Variants in SEC22C observed in about 807,000 individuals in gnomAD.
SEC22C encodes SEC22 homolog C, vesicle trafficking protein, also known as vesicle-trafficking protein SEC22c.
In SEC22C, 29 loss-of-function variants were observed where a neutral mutation model predicts 34.7. The observed-to-expected ratio is 0.84, with a 90% confidence interval of 0.62 to 1.14. The LOEUF is 1.14. SEC22C is among the 50% of genes most tolerant of loss of function. SEC22C has a pLI of 0.00. For missense variants in SEC22C, 337 were observed against 369.0 expected (o/e 0.91, Z 0.71); for synonymous variants, 117 against 132.8 (o/e 0.88, Z 0.82).
At position 42,556,116 on chromosome 3, in the gene SEC22C, G is replaced by C; in HGVS notation, c.646-121C>G. The C allele has an allele frequency of 4.2e-6, 3 of 715,742 alleles. No homozygotes were observed. In the South Asian group the frequency reaches 5.5e-5, roughly 13 times the overall value. The allele number at this position is 715,742 out of a possible 1,614,324, so 44.3% of individuals were successfully genotyped here. ...TTGACAGTACAAAATCCCTGGCTGG[G>C]TGAGACACAAGTTCCTGTTTATGCA... On this transcript the variant is annotated intron_variant, in intron 5 of 6. Coordinates refer to ENST00000264454, the MANE Select transcript of SEC22C (RefSeq NM_032970.4).
chr3:42,551,962 G>C lies in SEC22C; in HGVS notation c.*1286C>G. 2 of 985,250 alleles carry C rather than the reference G, an allele frequency of 2.0e-6. No individual in the cohort carries two copies. Among genetic ancestry groups the C allele is most frequent in the Non-Finnish European group, 2.4e-6 (2 of 829,798 alleles). The allele number at this position is 985,250 out of a possible 1,614,324, so 61.0% of individuals were successfully genotyped here. A position where few individuals can be genotyped will look rare whatever the true frequency, so the allele number is the denominator to read the frequency against. On this transcript the variant is annotated 3_prime_UTR_variant, in exon 7 of 7. Coordinates refer to ENST00000264454, the MANE Select transcript of SEC22C (RefSeq NM_032970.4). The stretch of plus-strand genomic sequence containing the variant: ...CAAAGTGTTCCATGCAACTGTGGTT[G>C]AACTATTCAGATTCCAGACTTCTAC...
At chr3:42,567,031 A>G (rs1440890272) in intron 2 of SEC22C, among the ~76,000 whole-genome samples, 1 of 152,142 alleles carries the variant, frequency 6.6e-6, no homozygotes, top group African/African-American at 2.4e-5. Context: ...CTCCCACCTC[A>G]GCCTCCCAAG....
At chr3:42,588,132 G>A (rs979613753) in intron 1 of SEC22C, among the ~76,000 whole-genome samples, 11 of 151,618 alleles carry the variant, frequency 7.3e-5, no homozygotes, top group South Asian at 6.2e-4. Context: ...GGCCAGGCAC[G>A]GTGGCTCACG....
At chr3:42,560,710 C>T (rs1484710775) in intron 4 of SEC22C, among the ~76,000 whole-genome samples, 1 of 152,086 alleles carries the variant, frequency 6.6e-6, no homozygotes. Flanking sequence ...ACAATCATGG[C>T]TCGCTGCAGC....
chr3:42,566,838 T>TA, intron 2 of SEC22C: 1 of 430,306 alleles, frequency 2.3e-6, no homozygotes, highest in Non-Finnish European at 4.7e-6. Context: ...ACCTTGTCTC[T>TA]AAAAAATAAA....
At position 42,549,024 on chromosome 3, in the gene SEC22C, G is replaced by T; in HGVS notation, c.*4224C>A. 1 of 993,318 alleles carries T rather than the reference G, an allele frequency of 1.0e-6. No individual in the cohort carries two copies. The highest frequency in any genetic ancestry group is 1.2e-6 in the Non-Finnish European group (1 of 815,952). The allele number at this position is 993,318 out of a possible 1,614,324, so 61.5% of individuals were successfully genotyped here. On this transcript the variant is annotated 3_prime_UTR_variant, in exon 7 of 7. Coordinates refer to ENST00000264454, the MANE Select transcript of SEC22C (RefSeq NM_032970.4). ...TGAGGCCTGATGGGCAGTGATTTGT[G>T]CACTGCGACATAGGACTCAGTGAAG...
intron 1 of SEC22C, among the ~76,000 whole-genome samples, chr3:42,580,109 A>G (rs182811152): frequency 4.2e-4 from 64 of 152,314 alleles, no homozygotes; most frequent in Middle Eastern, 3.4e-3. Flanking sequence ...GTCATAGATT[A>G]TCTCTGTTCT....
chr3:42,566,001 G>T (rs1016878384), intron 2 of SEC22C: 2 of 418,960 alleles, frequency 4.8e-6, no homozygotes, highest in Admixed American at 5.8e-5. Context: ...AAGTATCCAG[G>T]ATTTAAATCT....
chr3:42,591,446 G>T (rs1427438193), intron 1 of SEC22C: 1 of 1,022,904 alleles, frequency 9.8e-7, no homozygotes. Flanking sequence ...GCCTAGATCG[G>T]CCTCCCAAAG....
intron 1 of SEC22C, among the ~76,000 whole-genome samples, chr3:42,588,733 G>A (rs13090902): frequency 0.17 from 26,151 of 151,984 alleles, 2,734 homozygotes; most frequent in African/African-American, 0.29. Flanking sequence ...TCATGTTATT[G>A]TCATTCCTCA....
At chr3:42,560,837 G>A (rs1026969838) in intron 4 of SEC22C, among the ~76,000 whole-genome samples, 31 of 151,714 alleles carry the variant, frequency 2.0e-4, no homozygotes, top group African/African-American at 7.3e-4. Flanking sequence ...ATGGGGTTTT[G>A]CCATGTTGCC....
chr3:42,550,515 G>A lies in SEC22C; in HGVS notation c.*2733C>T. 2 of 985,458 alleles carry A rather than the reference G, an allele frequency of 2.0e-6. No homozygotes were observed. The highest frequency in any genetic ancestry group is 3.5e-5 in the African/African-American group (2 of 57,370). The allele number at this position is 985,458 out of a possible 1,614,324, so 61.0% of individuals were successfully genotyped here. On this transcript the variant is annotated 3_prime_UTR_variant, in exon 7 of 7. Coordinates refer to ENST00000264454, the MANE Select transcript of SEC22C (RefSeq NM_032970.4). Reference sequence around the variant, plus strand: ...TATTTTCAGTCTCTTCCTTCAGTGAGCTGAGGATTCTTTTAGCTAGCTGGA... The same window carrying A: ...TATTTTCAGTCTCTTCCTTCAGTGAACTGAGGATTCTTTTAGCTAGCTGGA...
At chr3:42,566,107 G>A (rs901719153) in intron 2 of SEC22C, among the ~76,000 whole-genome samples, 3 of 152,130 alleles carry the variant, frequency 2.0e-5, no homozygotes, top group Non-Finnish European at 2.9e-5. Context: ...GCATAGTAAA[G>A]GAGAGACCAT....
chr3:42,553,164 G>A lies in SEC22C; in HGVS notation c.*84C>T. 6.4e-7 allele frequency: 1 copy of A among 1,550,710 alleles called. No individual in the cohort carries two copies. The highest frequency in any genetic ancestry group is 8.7e-7 in the Non-Finnish European group (1 of 1,154,768). On this transcript the variant is annotated 3_prime_UTR_variant, in exon 7 of 7. Transcript: ENST00000264454. ...AGTTGGCTGAAAAGGATGGAAACTG[G>A]AGTGTAAAGTAGAGAAGCAGAAAGA...
intron 1 of SEC22C, among the ~76,000 whole-genome samples, chr3:42,595,666 G>A (rs1705007153): frequency 6.6e-6 from 1 of 152,128 alleles, no homozygotes; most frequent in Non-Finnish European, 1.5e-5. Flanking sequence ...TTTCACTCTT[G>A]GAGATTTATC....
chr3:42,600,568 A>G (rs1029317801), intron 1 of SEC22C: 5 of 138,270 alleles, frequency 3.6e-5, no homozygotes, highest in African/African-American at 1.4e-4. Flanking sequence ...CCCCGTGCGT[A>G]CGCCCCCGCT....
At chr3:42,577,031 T>C (rs1704009432) in intron 1 of SEC22C, among the ~76,000 whole-genome samples, 1 of 152,120 alleles carries the variant, frequency 6.6e-6, no homozygotes, top group South Asian at 2.1e-4. Context: ...GGAGGAAGGG[T>C]AGTCTTTTCT....
At chr3:42,566,896 GCTAT>G (rs1703281094) in intron 2 of SEC22C, 3 of 279,046 alleles carry the variant, frequency 1.1e-5, no homozygotes, top group South Asian at 5.9e-5. Context: ...TACTTGGGAG[GCTAT>G]CTATCAATCA....
chr3:42,557,308 A>G (rs575750804), intron 5 of SEC22C, among the ~76,000 whole-genome samples: 2 of 152,314 alleles, frequency 1.3e-5, no homozygotes, highest in African/African-American at 4.8e-5. Flanking sequence ...TGGGGTCCCA[A>G]GAGCCACAGG....
Sources: gnomAD v4.1 joint callset for allele counts (sites outside exome capture counted in the v4.1 genomes callset) on GRCh38, gnomAD v4.1.1 for gene constraint, MANE v1.5 for transcripts, NCBI Gene and HGNC (gene_info 2026-07-23, HGNC 2026-07-21) for gene names.